DSCAM: variants seen among roughly 807,000 people sequenced by gnomAD.
DSCAM encodes cell adhesion molecule DSCAM.
A neutral mutation model predicts 217.7 loss-of-function variants in DSCAM; 47 were observed. The ratio of observed to expected loss-of-function variants is 0.22; its 90% CI spans 0.17 to 0.28. The LOEUF (loss-of-function observed/expected upper bound fraction) is 0.28, where lower values mean the gene tolerates loss of function less well. DSCAM is among the 10% of genes least tolerant of loss of function. DSCAM has a pLI of 1.00. For missense variants in DSCAM, 2,080 were observed against 2,618.3 expected, an observed-to-expected ratio of 0.79 and a Z score of 4.49; for synonymous variants, 1,056 against 1,015.3, an observed-to-expected ratio of 1.04 and a Z score of -0.76.
intron 1 of DSCAM, among the ~76,000 whole-genome samples, chr21:40,789,746 G>A (rs2091624058): frequency 6.6e-6 from 1 of 151,986 alleles, no homozygotes; most frequent in African/African-American, 2.4e-5. Context: ...TAGTAGAGAC[G>A]GGGTTTCACC....
At chr21:40,366,250 G>T (rs976836771) in intron 4 of DSCAM, among the ~76,000 whole-genome samples, 2 of 152,050 alleles carry the variant, frequency 1.3e-5, no homozygotes, top group East Asian at 1.9e-4. Context: ...CTCATCAATT[G>T]CTTGGCTTTC....
At chr21:40,700,872 G>C (rs1485121651) in intron 2 of DSCAM, among the ~76,000 whole-genome samples, 1 of 151,872 alleles carries the variant, frequency 6.6e-6, no homozygotes, top group African/African-American at 2.4e-5. Context: ...AAGTAGCTGG[G>C]ACTAAAGGCA....
At chr21:40,818,470 CG>C (rs764295772) in intron 1 of DSCAM, among the ~76,000 whole-genome samples, 2 of 144,466 alleles carry the variant, frequency 1.4e-5, no homozygotes, top group Non-Finnish European at 3.0e-5. Flanking sequence ...GGCCTGAACC[CG>C]GGAGGTGGAG....
At chr21:40,698,731 G>T (rs1003919418) in intron 2 of DSCAM, among the ~76,000 whole-genome samples, 1 of 152,076 alleles carries the variant, frequency 6.6e-6, no homozygotes, top group African/African-American at 2.4e-5. Flanking sequence ...TTAGCCAGGC[G>T]TGGTGGCGCA....
intron 3 of DSCAM, among the ~76,000 whole-genome samples, chr21:40,399,546 A>G (rs1305818494): frequency 1.3e-5 from 2 of 152,200 alleles, no homozygotes; most frequent in Non-Finnish European, 2.9e-5. Context: ...AAGATATTTG[A>G]GATAATATCC....
intron 3 of DSCAM, among the ~76,000 whole-genome samples, chr21:40,666,397 AC>A (rs1306555514): frequency 6.6e-6 from 1 of 152,068 alleles, no homozygotes; most frequent in African/African-American, 2.4e-5. Context: ...TAAATAACTT[AC>A]CCAGGATCAC....
intron 3 of DSCAM, among the ~76,000 whole-genome samples, chr21:40,551,509 T>C (rs1234290121): frequency 6.6e-6 from 1 of 152,132 alleles, no homozygotes; most frequent in East Asian, 1.9e-4. Context: ...ATTCAGACTT[T>C]TAAAAGGTGC....
intron 3 of DSCAM, among the ~76,000 whole-genome samples, chr21:40,451,381 C>T (rs2075718192): frequency 6.6e-6 from 1 of 152,240 alleles, no homozygotes; most frequent in Non-Finnish European, 1.5e-5. Context: ...ATTAGTGGGG[C>T]TGCTTTAATG....
chr21:40,572,601 G>A (rs2146206023), intron 3 of DSCAM, among the ~76,000 whole-genome samples: 1 of 152,218 alleles, frequency 6.6e-6, no homozygotes, highest in Non-Finnish European at 1.5e-5. Context: ...AAATCTCGAC[G>A]GCTATGTTTA....
At chr21:40,839,862 C>A (rs1220941125) in intron 1 of DSCAM, among the ~76,000 whole-genome samples, 1 of 152,142 alleles carries the variant, frequency 6.6e-6, no homozygotes, top group Non-Finnish European at 1.5e-5. Context: ...AGGCAAGATT[C>A]ATTAATCCCT....
At chr21:40,790,696 T>A (rs1386925592) in intron 1 of DSCAM, among the ~76,000 whole-genome samples, 3 of 152,204 alleles carry the variant, frequency 2.0e-5, no homozygotes, top group Non-Finnish European at 2.9e-5. Context: ...ATGTTGTCTC[T>A]AGTGTAACAC....
In DSCAM at chr21:40,570,185, A is replaced by T. The variant is rs145702396; in HGVS notation, c.508+122625T>A. On this transcript the variant is annotated intron_variant, in intron 3 of 32. Coordinates refer to ENST00000400454, the MANE Select transcript of DSCAM (RefSeq NM_001389.5). ...GCTGTAAAGCAGAAAGAGATCTCCCACAGTTTGGAAAGCTGGTTACTGGTC... is the reference window on the plus strand; with the variant it reads ...GCTGTAAAGCAGAAAGAGATCTCCCTCAGTTTGGAAAGCTGGTTACTGGTC... Among the ~76,000 whole-genome samples, 4 of 152,086 alleles carry T rather than the reference A, an allele frequency of 2.6e-5. No homozygotes were observed. The Admixed American group carries it at 2.7e-4, about 10-fold the overall frequency.
intron 32 of DSCAM, among the ~76,000 whole-genome samples, chr21:40,027,283 G>A (rs71316142): frequency 1.2e-4 from 19 of 152,384 alleles, no homozygotes; most frequent in Admixed American, 3.3e-4. Context: ...AGGGTAACCC[G>A]ACCTTTCTCT....
At chr21:40,379,827 G>A (rs569907362) in intron 3 of DSCAM, among the ~76,000 whole-genome samples, 1 of 152,314 alleles carries the variant, frequency 6.6e-6, no homozygotes, top group East Asian at 1.9e-4. Context: ...TATTGAGGGG[G>A]CAGAGCTCTC....
At chr21:40,272,171 G>C (rs1290880173) in intron 11 of DSCAM, among the ~76,000 whole-genome samples, 1 of 151,800 alleles carries the variant, frequency 6.6e-6, no homozygotes, top group Non-Finnish European at 1.5e-5. Context: ...TGTAGCCCCC[G>C]ATCGGCCTGG....
chr21:40,740,282 C>A (rs1169866224), intron 1 of DSCAM, among the ~76,000 whole-genome samples: 2 of 152,104 alleles, frequency 1.3e-5, no homozygotes, highest in African/African-American at 4.8e-5. Flanking sequence ...GGTTTTACTG[C>A]AGCCACTTTG....
At chr21:40,209,061 G>T (rs1357536790) in intron 11 of DSCAM, among the ~76,000 whole-genome samples, 1 of 152,298 alleles carries the variant, frequency 6.6e-6, no homozygotes, top group African/African-American at 2.4e-5. Context: ...TAATTGTAGG[G>T]GTGAGGTTCT....
At chr21:40,672,967 C>G (rs1404700011) in intron 3 of DSCAM, among the ~76,000 whole-genome samples, 1 of 152,216 alleles carries the variant, frequency 6.6e-6, no homozygotes, top group Non-Finnish European at 1.5e-5. Flanking sequence ...CACACAGCAA[C>G]AGCAGTCACA....
At chr21:40,601,198 TAG>T (rs1448127566) in intron 3 of DSCAM, among the ~76,000 whole-genome samples, 4 of 152,322 alleles carry the variant, frequency 2.6e-5, no homozygotes, top group African/African-American at 9.6e-5. Flanking sequence ...TCTATTTCAT[TAG>T]AGTTTTGTAG....
Sources: gnomAD v4.1 joint callset for allele counts (sites outside exome capture counted in the v4.1 genomes callset) on GRCh38, gnomAD v4.1.1 for gene constraint, MANE v1.5 for transcripts, NCBI Gene and HGNC (gene_info 2026-07-23, HGNC 2026-07-21) for gene names.